Variants in RBFOX2 observed in about 807,000 individuals in gnomAD.
RBFOX2 encodes the protein RNA binding fox-1 homolog 2.
Under a neutral mutation model 49.1 loss-of-function variants are expected in RBFOX2, and 10 were observed. The observed-to-expected ratio is 0.20, with a 90% CI of 0.13 to 0.35. The LOEUF (loss-of-function observed/expected upper bound fraction) is 0.35. Ranked by LOEUF, RBFOX2 falls within the 10% of genes least tolerant of loss-of-function variation. The pLI is 1.00. For synonymous variants in RBFOX2, 183 were observed against 187.4 expected (o/e 0.98, Z 0.19); for missense variants, 323 against 486.9 (o/e 0.66, Z 3.17).
chr22:35,971,897 TTTTC>T (rs1268214262), intron 1 of RBFOX2, among the ~76,000 whole-genome samples: 16 of 148,750 alleles, frequency 1.1e-4, no homozygotes, highest in East Asian at 7.8e-4. Flanking sequence ...GCCTTTCCTT[TTTTC>T]TTTTTCTCCC....
intron 1 of RBFOX2, among the ~76,000 whole-genome samples, chr22:35,862,076 A>G (rs79468438): frequency 0.11 from 17,216 of 152,202 alleles, 1,248 homozygotes; most frequent in Middle Eastern, 0.24. Context: ...ATTGCCAACT[A>G]ATCAATAGTG....
chr22:35,937,981 G>A (rs543952169), intron 1 of RBFOX2, among the ~76,000 whole-genome samples: 1 of 152,312 alleles, frequency 6.6e-6, no homozygotes, highest in Non-Finnish European at 1.5e-5. Flanking sequence ...GTTTAGCACT[G>A]TAACTCATAT....
intron 1 of RBFOX2, among the ~76,000 whole-genome samples, chr22:35,931,606 C>T (rs1453585876): frequency 6.6e-6 from 1 of 152,120 alleles, no homozygotes; most frequent in African/African-American, 2.4e-5. Context: ...GAAACCCCAT[C>T]TCTACCAAAA....
chr22:35,973,520 T>C (rs1374384607), intron 1 of RBFOX2, among the ~76,000 whole-genome samples: 1 of 152,212 alleles, frequency 6.6e-6, no homozygotes, highest in Non-Finnish European at 1.5e-5. Context: ...GGCTGGTTTC[T>C]GGGATTAAGA....
At chr22:35,885,491 T>C (rs903493583) in intron 1 of RBFOX2, among the ~76,000 whole-genome samples, 1 of 152,318 alleles carries the variant, frequency 6.6e-6, no homozygotes, top group Middle Eastern at 3.4e-3. Context: ...TGTCTAATCA[T>C]ATGGCAGGCT....
At chr22:35,753,139 C>T (rs1051618068) in intron 9 of RBFOX2, among the ~76,000 whole-genome samples, 3 of 152,186 alleles carry the variant, frequency 2.0e-5, no homozygotes, top group East Asian at 1.9e-4. Context: ...CTTCAAGCTC[C>T]GATTCGGTGC....
intron 2 of RBFOX2, among the ~76,000 whole-genome samples, chr22:35,803,149 C>T (rs1007062071): frequency 2.1e-5 from 3 of 143,886 alleles, no homozygotes; most frequent in Non-Finnish European, 4.7e-5. Flanking sequence ...TTACTTAAAA[C>T]ACACACACAC....
intron 1 of RBFOX2, among the ~76,000 whole-genome samples, chr22:35,845,940 T>A (rs997735377): frequency 6.6e-6 from 1 of 151,928 alleles, no homozygotes; most frequent in Non-Finnish European, 1.5e-5. Flanking sequence ...CAAAAAACAG[T>A]TGGTACACAA....
chr22:35,897,198 G>T, intron 1 of RBFOX2: 1 of 790,006 alleles, frequency 1.3e-6, no homozygotes, highest in Non-Finnish European at 2.1e-6. Context: ...AGACCACCTG[G>T]CTGGGTGCTC....
At chr22:35,877,078 A>G (rs1233469503) in intron 1 of RBFOX2, among the ~76,000 whole-genome samples, 1 of 152,178 alleles carries the variant, frequency 6.6e-6, no homozygotes, top group Non-Finnish European at 1.5e-5. Flanking sequence ...TTAAAAAATA[A>G]TTTCAATTTT....
At chr22:35,775,960 TCAAA>T (rs980613330) in intron 4 of RBFOX2, among the ~76,000 whole-genome samples, 1 of 152,044 alleles carries the variant, frequency 6.6e-6, no homozygotes, top group Non-Finnish European at 1.5e-5. Flanking sequence ...TCACAATAAT[TCAAA>T]CAAATTATTT....
In RBFOX2 at chr22:35,917,619, A is replaced by G. The variant is rs138258079; in HGVS notation, c.-34+21228T>C. Among the ~76,000 whole-genome samples the G allele has an allele frequency of 3.5e-3, 535 of 152,264 alleles. 1 individual carries two copies. The highest frequency in any genetic ancestry group is 0.011 in the African/African-American group (475 of 41,562). On this transcript the variant is annotated intron_variant, in intron 1 of 13. Transcript: ENST00000359369. ...CAAATAGACATGGGGCTCTCAAGGA[A>G]TTATAATCACGTAGTCATGAAGATA... is the stretch of plus-strand genomic sequence containing the variant.
chr22:35,881,537 G>A (rs913335747), intron 1 of RBFOX2, among the ~76,000 whole-genome samples: 12 of 150,700 alleles, frequency 8.0e-5, no homozygotes, highest in Admixed American at 7.3e-4. Context: ...AGCTGTGATC[G>A]CACCACTGCA....
chr22:35,763,689 G>T (rs966218103), intron 6 of RBFOX2, among the ~76,000 whole-genome samples: 5 of 152,156 alleles, frequency 3.3e-5, no homozygotes, highest in African/African-American at 1.2e-4. Context: ...AAAACCCAAA[G>T]AGGAAGGTAA....
At chr22:35,770,863 GT>G (rs1329960859) in intron 4 of RBFOX2, among the ~76,000 whole-genome samples, 1 of 152,052 alleles carries the variant, frequency 6.6e-6, no homozygotes, top group African/African-American at 2.4e-5. Flanking sequence ...ACTTTCAAAT[GT>G]TTTAAAAGTG....
At chr22:35,989,668 C>A (rs541444399) in intron 1 of RBFOX2, among the ~76,000 whole-genome samples, 9 of 152,092 alleles carry the variant, frequency 5.9e-5, no homozygotes, top group Admixed American at 5.2e-4. Flanking sequence ...TATAGAAGGG[C>A]AGATTTAAAA....
intron 1 of RBFOX2, among the ~76,000 whole-genome samples, chr22:35,906,439 C>CA: frequency 6.6e-6 from 1 of 152,114 alleles, no homozygotes. Flanking sequence ...ACCCAGGCTT[C>CA]AAAAAACAAA....
chr22:35,842,121 G>A (rs756725553), upstream of RBFOX2, among the ~76,000 whole-genome samples: 24 of 152,014 alleles, frequency 1.6e-4, no homozygotes, highest in African/African-American at 4.4e-4. Context: ...CATTACACCC[G>A]CTCCTAAATT....
intron 9 of RBFOX2, among the ~76,000 whole-genome samples, chr22:35,754,163 C>G (rs1372136730): frequency 6.7e-6 from 1 of 149,788 alleles, no homozygotes; most frequent in Non-Finnish European, 1.5e-5. Context: ...ACGATCTCAG[C>G]TCACTGTAAG....
Sources: allele counts gnomAD v4.1 joint callset (sites outside exome capture counted in the v4.1 genomes callset), GRCh38; gene constraint gnomAD v4.1.1; transcripts MANE v1.5; gene names NCBI Gene and HGNC (gene_info 2026-07-23, HGNC 2026-07-21).